Variants in PLEKHA5 observed in about 807,000 individuals in gnomAD.
The protein encoded by PLEKHA5 is pleckstrin homology domain containing A5, also known as pleckstrin homology domain-containing family A member 5.
In PLEKHA5, 55 loss-of-function variants were observed where a neutral mutation model predicts 181.9. The ratio of observed to expected loss-of-function variants is 0.30; its 90% CI spans 0.24 to 0.38. The LOEUF (loss-of-function observed/expected upper bound fraction) is 0.38, where lower values mean the gene tolerates loss of function less well. Among genes scored for constraint, PLEKHA5 ranks in the 10% least tolerant of loss-of-function variants. The pLI, the probability that PLEKHA5 is intolerant of heterozygous loss-of-function variation, is 1.00. For missense variants in PLEKHA5, 1,432 were observed against 1,549.5 expected (o/e 0.92, Z 1.27); for synonymous variants, 535 against 529.4 (o/e 1.01, Z -0.15).
intron 7 of PLEKHA5, 66 bp from the exon 8 acceptor site, chr12:19,265,684 G>C (rs1171794473): frequency 1.0e-5 from 9 of 890,564 alleles, no homozygotes; most frequent in Non-Finnish European, 3.7e-6. Context: ...GGCAAAAATA[G>C]ATCTTGAAAA....
intron 3 of PLEKHA5, among the ~76,000 whole-genome samples, chr12:19,217,402 C>T (rs985399278): frequency 1.3e-5 from 2 of 152,158 alleles, no homozygotes; most frequent in Admixed American, 1.3e-4. Flanking sequence ...TAAATATGTA[C>T]AGGATGATAT....
chr12:19,132,702 A>T (rs1186980904), intron 3 of PLEKHA5, among the ~76,000 whole-genome samples: 1 of 151,728 alleles, frequency 6.6e-6, no homozygotes, highest in African/African-American at 2.4e-5. Flanking sequence ...GGCCACTTTT[A>T]AAAATAATTT....
Position 19,333,397 on chromosome 12 carries a change from A to T in PLEKHA5, c.2449-3118A>T, listed in dbSNP as rs2093043436. 3.3e-5 allele frequency among the ~76,000 whole-genome samples: 5 copies of T among 151,586 alleles called. No individual in the cohort carries two copies. The South Asian group carries it at 1.0e-3, about 32-fold the overall frequency. On this transcript the variant is annotated intron_variant, in intron 20 of 31. Coordinates refer to ENST00000429027, the MANE Select transcript of PLEKHA5 (RefSeq NM_001256470.2). ...GATTAAGACCATCCTGGCTAACACGATGAAACCACGTCTCTACTAAAAATA... is the reference window on the plus strand; with the variant it reads ...GATTAAGACCATCCTGGCTAACACGTTGAAACCACGTCTCTACTAAAAATA...
intron 3 of PLEKHA5, among the ~76,000 whole-genome samples, chr12:19,181,506 GGCTAAC>G (rs1259990738): frequency 2.6e-5 from 4 of 152,180 alleles, no homozygotes; most frequent in African/African-American, 9.7e-5. Flanking sequence ...TGGGCATGGT[GGCTAAC>G]GCCTGTAATC....
At chr12:19,272,010 TG>T (rs2152719709) in intron 10 of PLEKHA5, among the ~76,000 whole-genome samples, 2 of 152,342 alleles carry the variant, frequency 1.3e-5, no homozygotes, top group East Asian at 3.9e-4. Context: ...TTTTGCTGTA[TG>T]GCTCAAATAC....
intron 3 of PLEKHA5, among the ~76,000 whole-genome samples, chr12:19,227,362 T>A (rs182679754): frequency 3.2e-4 from 49 of 152,126 alleles, no homozygotes; most frequent in African/African-American, 1.2e-3. Flanking sequence ...TAATAGTTAT[T>A]CTTGTAGAGT....
intron 11 of PLEKHA5, among the ~76,000 whole-genome samples, chr12:19,279,732 C>T (rs534012019): frequency 6.6e-6 from 1 of 151,808 alleles, no homozygotes; most frequent in African/African-American, 2.4e-5. Context: ...CTACCCTGCC[C>T]CCAATATTCT....
At chr12:19,307,819 TACAA>T (rs1386445214) in intron 15 of PLEKHA5, among the ~76,000 whole-genome samples, 1 of 149,618 alleles carries the variant, frequency 6.7e-6, no homozygotes, top group African/African-American at 2.5e-5. Context: ...ATTATAGAAG[TACAA>T]ACAGAGAGAC....
At chr12:19,255,371 T>C (rs368751728) in intron 5 of PLEKHA5, among the ~76,000 whole-genome samples, 3 of 152,074 alleles carry the variant, frequency 2.0e-5, no homozygotes, top group Non-Finnish European at 4.4e-5. Flanking sequence ...TTGGAATAAT[T>C]TTAGAAATAC....
At chr12:19,249,867 G>A (rs188584808) in intron 3 of PLEKHA5, among the ~76,000 whole-genome samples, 157 of 152,290 alleles carry the variant, frequency 1.0e-3, no homozygotes, top group African/African-American at 3.7e-3. Context: ...ACAGGAACAC[G>A]AATAGTAAAT....
intron 3 of PLEKHA5, among the ~76,000 whole-genome samples, chr12:19,191,776 C>G (rs889490731): frequency 4.6e-5 from 7 of 152,164 alleles, no homozygotes; most frequent in South Asian, 2.1e-4. Context: ...CTTGAAAGCT[C>G]ATGCTGGAGG....
At chr12:19,296,271 G>A (rs944176359) in intron 15 of PLEKHA5, among the ~76,000 whole-genome samples, 9 of 151,620 alleles carry the variant, frequency 5.9e-5, no homozygotes, top group Non-Finnish European at 1.2e-4. Flanking sequence ...GTGTGGCCAG[G>A]CACTGTGGCT....
At chr12:19,315,912 A>G (rs2088479010) in intron 16 of PLEKHA5, among the ~76,000 whole-genome samples, 4 of 152,122 alleles carry the variant, frequency 2.6e-5, no homozygotes, top group South Asian at 4.1e-4. Context: ...CAAAATATTT[A>G]AAGTATATTA....
intron 21 of PLEKHA5, among the ~76,000 whole-genome samples, chr12:19,342,529 G>A (rs1301677003): frequency 3.9e-5 from 6 of 152,120 alleles, no homozygotes; most frequent in Admixed American, 3.3e-4. Context: ...GGTGGCACAT[G>A]CCTGTAATCC....
chr12:19,257,773 CTTAAAA>C (rs1417904039), intron 6 of PLEKHA5, among the ~76,000 whole-genome samples: 15 of 151,988 alleles, frequency 9.9e-5, no homozygotes, highest in African/African-American at 3.4e-4. Flanking sequence ...TATTTCTAGA[CTTAAAA>C]TTAAATATAT....
chr12:19,359,947 CAGAG>C (rs757473686), intron 28 of PLEKHA5, among the ~76,000 whole-genome samples: 1 of 149,978 alleles, frequency 6.7e-6, no homozygotes, highest in African/African-American at 2.5e-5. Context: ...GCCTGGGCGA[CAGAG>C]GGAGGGAGAC....
intron 15 of PLEKHA5, among the ~76,000 whole-genome samples, chr12:19,291,905 A>G (rs2078551540): frequency 1.3e-5 from 2 of 152,210 alleles, no homozygotes; most frequent in Admixed American, 6.5e-5. Flanking sequence ...AAAGAGGGAT[A>G]CAAATGCTGG....
chr12:19,217,342 G>A (rs1288342973), intron 3 of PLEKHA5, among the ~76,000 whole-genome samples: 1 of 152,164 alleles, frequency 6.6e-6, no homozygotes, highest in African/African-American at 2.4e-5. Context: ...AAAGCAGTAG[G>A]TTACCCAGAA....
chr12:19,154,237 T>C (rs1327000506), intron 3 of PLEKHA5: 1 of 152,162 alleles, frequency 6.6e-6, no homozygotes, highest in Non-Finnish European at 1.5e-5. Flanking sequence ...TTAAAATATC[T>C]GTTTATCCGT....
Sources: gnomAD v4.1 joint callset for allele counts (sites outside exome capture counted in the v4.1 genomes callset) on GRCh38, gnomAD v4.1.1 for gene constraint, MANE v1.5 for transcripts, NCBI Gene and HGNC (gene_info 2026-07-23, HGNC 2026-07-21) for gene names.